The following ENO4 variants were observed in gnomAD, a reference collection of about 807,000 sequenced individuals.
The protein encoded by ENO4 is 2-phospho-D-glycerate hydro-lyase.
ENO4 carries 53 observed loss-of-function variants against 63.2 expected under a neutral mutation model. That is an observed-to-expected ratio of 0.84 (90% CI 0.67 to 1.05). The LOEUF is 1.05. Among genes scored for constraint, ENO4 ranks in the 50% least tolerant of loss-of-function variants. The pLI is 0.00. For missense variants in ENO4, 719 were observed against 772.0 expected (o/e 0.93, Z 0.81); for synonymous variants, 266 against 283.8 (o/e 0.94, Z 0.63).
chr10:116,871,877 G>GA (rs1846704200), intron 9 of ENO4, among the ~76,000 whole-genome samples: 1 of 152,216 alleles, frequency 6.6e-6, no homozygotes, highest in African/African-American at 2.4e-5. Flanking sequence ...AGATTCTAAA[G>GA]AGAGTGAAAA....
intron 10 of ENO4, chr10:116,901,377 T>G (rs1439843161): frequency 7.1e-6 from 7 of 985,308 alleles, no homozygotes; most frequent in Non-Finnish European, 8.4e-6. Context: ...AACGTGCCCT[T>G]CTAAGTAGTC....
intron 10 of ENO4, among the ~76,000 whole-genome samples, chr10:116,890,202 A>C (rs997304383): frequency 8.5e-5 from 13 of 152,212 alleles, no homozygotes; most frequent in Non-Finnish European, 1.5e-4. Context: ...CTAAGGACTA[A>C]GACCACAATA....
In ENO4 at chr10:116,876,157, A is replaced by G. The variant is rs1477466187; in HGVS notation, c.1434A>G (p.Leu478=). 1.9e-6 allele frequency: 3 copies of G among 1,550,670 alleles called. No individual in the cohort carries two copies. The highest frequency in any genetic ancestry group is 2.6e-6 in the Non-Finnish European group (3 of 1,147,026). The stretch of plus-strand genomic sequence containing the variant: ...CTTCCAAAAGCATTTCTAAACTTCT[A>G]GAGCAAGGAAACATCAGCATCCCCA... The part of the protein sequence containing the change: ...GTASKSISKL[L]EQGNISIPKS... Residue 478 remains leucine (L), a synonymous_variant, in exon 11 of 14, where the codon CTA becomes CTG. Transcript: ENST00000341276.
chr10:116,897,643 TTTTCC>T (rs1313795722), intron 10 of ENO4, among the ~76,000 whole-genome samples: 1 of 152,238 alleles, frequency 6.6e-6, no homozygotes, highest in Non-Finnish European at 1.5e-5. Flanking sequence ...ATTAAAATGC[TTTTCC>T]TATATGATCT....
Position 116,860,651 on chromosome 10 carries a change from G to C in ENO4, c.635-143G>C, listed in dbSNP as rs535693011. The C allele has an allele frequency of 6.7e-4, 360 of 538,922 alleles. 7 individuals carry two copies. The South Asian group carries it at 0.026, about 40-fold the overall frequency. 33.4% of individuals were successfully genotyped at this position (538,922 alleles called of 1,614,324 possible). On this transcript the variant is annotated intron_variant, in intron 4 of 13. Transcript: ENST00000341276. ...GATTATTTGAGAATCTTAAGCAAAA[G>C]CAAACAGAAAACTTTTTGGGGGTTG...
intron 10 of ENO4, among the ~76,000 whole-genome samples, chr10:116,898,480 C>T (rs751659451): frequency 4.6e-5 from 7 of 152,042 alleles, no homozygotes; most frequent in Admixed American, 3.3e-4. Context: ...AAGAGGTTTG[C>T]ACTTAATGTG....
At chr10:116,868,032 C>A (rs1474627038) in intron 7 of ENO4, among the ~76,000 whole-genome samples, 2 of 152,174 alleles carry the variant, frequency 1.3e-5, no homozygotes, top group African/African-American at 4.8e-5. Flanking sequence ...AAGATTAGAT[C>A]CTTGCAATAA....
rs758259350 is a variant in ENO4 at position 116,906,704 on chromosome 10, A to G, written c.1195-4795A>G. ...CTCAGTTTCACTGTTTTCAGGGTCA[A>G]GGGATTTTAAGCTTCTTGAACTAGT... is the stretch of plus-strand genomic sequence containing the variant. On this transcript the variant is annotated intron_variant, in intron 10 of 10. Transcript: ENST00000369207. The G allele has an allele frequency of 3.5e-5, 57 of 1,613,234 alleles. No homozygotes were observed. The Admixed American group carries it at 9.5e-4, about 27-fold the overall frequency.
At chr10:116,884,339 A>G (rs574386993), downstream of ENO4, 20 of 441,252 alleles carry the variant, frequency 4.5e-5, no homozygotes, top group East Asian at 1.4e-3. Context: ...AGGTGAGTGA[A>G]TATCTTCCAT....
intron 10 of ENO4, among the ~76,000 whole-genome samples, chr10:116,895,794 CAGTT>C (rs1847496272): frequency 1.3e-5 from 2 of 152,288 alleles, no homozygotes; most frequent in African/African-American, 2.4e-5. Context: ...ATCTAAATGT[CAGTT>C]AGAAGTGTAA....
rs531071276 is a variant in ENO4, at chr10:116,860,828, G to T, written c.669G>T (p.Ala223=). 82 of 1,538,960 alleles carry T rather than the reference G, an allele frequency of 5.3e-5. No individual in the cohort carries two copies. Among genetic ancestry groups the T allele is most frequent in the Non-Finnish European group, 7.0e-5 (80 of 1,139,542 alleles). ...RKDTITEKPI[A]PAEPVEPVLS... ...ATACTATTACAGAGAAACCTATTGC[G>T]CCTGCAGAGCCTGTTGAGCCTGTAC... Residue 223 remains alanine, a synonymous_variant, in exon 5 of 14, where the codon GCG becomes GCT. Coordinates refer to ENST00000341276, the MANE Select transcript of ENO4 (RefSeq NM_001242699.2).
At chr10:116,878,899 A>T (rs544034731) in intron 11 of ENO4, among the ~76,000 whole-genome samples, 1 of 151,816 alleles carries the variant, frequency 6.6e-6, no homozygotes, top group African/African-American at 2.4e-5. Context: ...GCCTACCACC[A>T]CGCCCGGCTA....
At chr10:116,884,084 G>A (rs1847096490), downstream of ENO4, 9 of 373,258 alleles carry the variant, frequency 2.4e-5, 1 homozygote, top group South Asian at 1.8e-4. Context: ...ACAGAAGGAA[G>A]CATAAATAAC....
intron 11 of ENO4, among the ~76,000 whole-genome samples, chr10:116,876,724 G>A (rs1376752396): frequency 6.6e-6 from 1 of 152,206 alleles, no homozygotes; most frequent in African/African-American, 2.4e-5. Flanking sequence ...GCTGAGGCCG[G>A]CGGATCACGA....
At chr10:116,907,954 G>T in intron 10 of ENO4, 1 of 511,664 alleles carries the variant, frequency 2.0e-6, no homozygotes. Flanking sequence ...GGCTAAAAAT[G>T]GTTGTTTTAG....
intron 1 of ENO4, among the ~76,000 whole-genome samples, chr10:116,854,089 C>G (rs534661111): frequency 2.6e-5 from 4 of 152,260 alleles, no homozygotes; most frequent in African/African-American, 4.8e-5. Context: ...TCTTCAGTCT[C>G]CTTCTTAGAT....
intron 1 of ENO4, 122 bp downstream of exon 1, chr10:116,849,853 G>A: frequency 8.6e-7 from 1 of 1,159,022 alleles, no homozygotes; most frequent in Non-Finnish European, 1.2e-6. Flanking sequence ...CCGGGCCCTG[G>A]GCCTGCGTGT....
chr10:116,871,345 A>G, intron 9 of ENO4, 53 bp downstream of exon 9: 2 of 1,426,620 alleles, frequency 1.4e-6, no homozygotes, highest in Non-Finnish European at 1.9e-6. Context: ...TGATTTTTAA[A>G]TTAGAACTCA....
In ENO4 at chr10:116,874,062, C is replaced by A; in HGVS notation, c.1216-14C>A. ...ATTTATCCCTTATTTTAATATTTTCCTGACACATATCAGAATAAAGGAAAG... is the reference window on the plus strand; with the variant it reads ...ATTTATCCCTTATTTTAATATTTTCATGACACATATCAGAATAAAGGAAAG... On this transcript the variant is annotated splice_polypyrimidine_tract_variant and intron_variant, in intron 9 of 13. Coordinates refer to ENST00000341276, the MANE Select transcript of ENO4 (RefSeq NM_001242699.2). 1 of 1,526,846 alleles carries A rather than the reference C, an allele frequency of 6.5e-7. No individual in the cohort carries two copies. The highest frequency in any genetic ancestry group is 8.9e-7 in the Non-Finnish European group (1 of 1,129,768). 94.6% of individuals were successfully genotyped at this position (1,526,846 alleles called of 1,614,324 possible).
Sources: gnomAD v4.1 joint callset for allele counts (sites outside exome capture counted in the v4.1 genomes callset) on GRCh38, gnomAD v4.1.1 for gene constraint, MANE v1.5 for transcripts, NCBI Gene and HGNC (gene_info 2026-07-23, HGNC 2026-07-21) for gene names.